ZNF678: variants seen among roughly 807,000 people sequenced by gnomAD.
ZNF678 encodes zinc finger protein 678.
A neutral mutation model predicts 3.0 loss-of-function variants in ZNF678; 5 were observed. The ratio of observed to expected loss-of-function variants is 1.69; its 90% confidence interval spans 0.88 to 3.56. The LOEUF (loss-of-function observed/expected upper bound fraction) is 3.56, where lower values mean the gene tolerates loss of function less well. ZNF678 is among the 30% of genes most tolerant of loss of function. The pLI is 0.00. For missense variants in ZNF678, 593 were observed against 605.0 expected, an observed-to-expected ratio of 0.98 and a Z score of 0.21; for synonymous variants, 218 against 199.6, an observed-to-expected ratio of 1.09 and a Z score of -0.78.
At chr1:227,563,916 A>G (rs1242898259) in intron 1 of ZNF678, among the ~76,000 whole-genome samples, 192 bp downstream of exon 1, 1 of 152,224 alleles carries the variant, frequency 6.6e-6, no homozygotes. Flanking sequence ...CTGGGCGGCT[A>G]TGAAGCCGCA....
At chr1:227,678,852 A>G (rs1254409017), downstream of ZNF678, among the ~76,000 whole-genome samples, 1 of 152,212 alleles carries the variant, frequency 6.6e-6, no homozygotes, top group Non-Finnish European at 1.5e-5. Context: ...CTGATGGTCA[A>G]CTATTAATAA....
At chr1:227,610,844 G>A (rs1657999745) in intron 1 of ZNF678, among the ~76,000 whole-genome samples, 2 of 152,162 alleles carry the variant, frequency 1.3e-5, no homozygotes, top group Admixed American at 1.3e-4. Flanking sequence ...GATAGAAGGG[G>A]GGTTTTCTGA....
downstream of ZNF678, among the ~76,000 whole-genome samples, chr1:227,663,256 T>C (rs1043263561): frequency 3.9e-5 from 6 of 152,246 alleles, no homozygotes; most frequent in Non-Finnish European, 8.8e-5. Flanking sequence ...CAAACTGTTA[T>C]AGTTTGTTAA....
chr1:227,563,825 G>C, intron 1 of ZNF678, 101 bp downstream of exon 1: 3 of 1,140,992 alleles, frequency 2.6e-6, no homozygotes, highest in Non-Finnish European at 3.6e-6. Flanking sequence ...TGTGGGATCT[G>C]TCACCTCTGG....
At chr1:227,594,972 G>C (rs1385581956) in intron 1 of ZNF678, among the ~76,000 whole-genome samples, 1 of 152,060 alleles carries the variant, frequency 6.6e-6, no homozygotes, top group South Asian at 2.1e-4. Flanking sequence ...GAATGCATTT[G>C]GGCCATCTGT....
Position 227,655,808 on chromosome 1 carries a change from A to G in ZNF678, c.1558A>G (p.Lys520Glu), listed in dbSNP as rs779820177. 9.6e-6 allele frequency: 15 copies of G among 1,570,554 alleles called. No homozygotes were observed. In the East Asian group the frequency reaches 1.3e-4, roughly 14 times the overall value. The change falls in exon 4 of 4, where the codon AAA (lysine) becomes GAA (glutamate). Residue 520 changes from lysine (K) to glutamate (E), a missense_variant. Lys to Glu is a moderately conservative substitution (Grantham distance 56). Transcript: ENST00000343776. Reference sequence around the variant, plus strand: ...TACTGGAGAGGAACCTGACAAATGTAAAAAATGTGGCAGTCTTTAAAAACT... The same window carrying G: ...TACTGGAGAGGAACCTGACAAATGTGAAAAATGTGGCAGTCTTTAAAAACT... ...IYTGEEPDKC[K>E]KCGSL is the part of the protein sequence containing the mutation.
intron 2 of ZNF678, among the ~76,000 whole-genome samples, chr1:227,649,505 C>A (rs1659041400): frequency 6.6e-6 from 1 of 152,186 alleles, no homozygotes; most frequent in African/African-American, 2.4e-5. Context: ...CATGCACCAC[C>A]ACACTCAGCT....
chr1:227,666,300 A>C, downstream of ZNF678, among the ~76,000 whole-genome samples: 1 of 152,238 alleles, frequency 6.6e-6, no homozygotes, highest in East Asian at 1.9e-4. Context: ...TAAAAAGTCT[A>C]CCTTCAAATC....
At chr1:227,614,629 T>C (rs1215944122) in intron 1 of ZNF678, among the ~76,000 whole-genome samples, 1 of 152,248 alleles carries the variant, frequency 6.6e-6, no homozygotes, top group Non-Finnish European at 1.5e-5. Context: ...TCTTTTTGTA[T>C]GACAGAGATA....
chr1:227,639,496 G>C (rs1166591023), intron 1 of ZNF678, among the ~76,000 whole-genome samples: 2 of 152,222 alleles, frequency 1.3e-5, no homozygotes, highest in Non-Finnish European at 2.9e-5. Flanking sequence ...GTTTAAAATA[G>C]TGGTTCCTTC....
At chr1:227,626,876 A>G (rs1488809932) in intron 1 of ZNF678, among the ~76,000 whole-genome samples, 1 of 151,914 alleles carries the variant, frequency 6.6e-6, no homozygotes, top group African/African-American at 2.4e-5. Context: ...GCCTTGGGGA[A>G]GTCCAAATCT....
downstream of ZNF678, among the ~76,000 whole-genome samples, chr1:227,665,529 G>A (rs529999773): frequency 8.5e-5 from 13 of 152,298 alleles, no homozygotes; most frequent in East Asian, 1.5e-3. Context: ...GTTGTAGGCC[G>A]GAGGCTTAAG....
intron 1 of ZNF678, among the ~76,000 whole-genome samples, chr1:227,612,036 C>A (rs942163828): frequency 6.6e-6 from 1 of 151,754 alleles, no homozygotes; most frequent in Admixed American, 6.6e-5. Context: ...AACCAGAGAC[C>A]ATTTTGCCTT....
chr1:227,667,440 A>G (rs1367314664), downstream of ZNF678, among the ~76,000 whole-genome samples: 1 of 152,196 alleles, frequency 6.6e-6, no homozygotes, highest in Non-Finnish European at 1.5e-5. Context: ...CTGCTGATAT[A>G]TAAATACCTT....
rs1365617983 is a variant in ZNF678, at chr1:227,654,709, C to G, written c.459C>G (p.Tyr153Ter). The change falls in exon 4 of 4, where the codon TAC becomes TAG. Residue 153 changes from tyrosine (Y) to a stop codon, truncating the protein, a stop_gained. Coordinates refer to ENST00000343776, the MANE Select transcript of ZNF678 (RefSeq NM_001367909.1). LOFTEE classifies it low-confidence loss of function (END_TRUNC). ...GAATTCATACTGGAGAGAAACCCTA[C>G]AAATGTGACGAATGTGGCAAAGTTT... ...HKRIHTGEKP[Y>*]KCDECGKVFN... 6.2e-7 allele frequency: 1 copy of G among 1,613,028 alleles called. No homozygotes were observed. Among genetic ancestry groups the G allele is most frequent in the East Asian group, 2.2e-5 (1 of 44,868 alleles).
Position 227,620,776 on chromosome 1 carries a change from C to T in ZNF678, c.-163-25768C>T, listed in dbSNP as rs190732066. Among the ~76,000 whole-genome samples, 5 of 152,268 alleles carry T rather than the reference C, an allele frequency of 3.3e-5. No individual in the cohort carries two copies. The East Asian group carries it at 9.6e-4, about 29-fold the overall frequency. On this transcript the variant is annotated intron_variant, in intron 1 of 3. Coordinates refer to ENST00000343776, the MANE Select transcript of ZNF678 (RefSeq NM_001367909.1). ...GCTGTAGGGTATGAGTAATAGCGTACAGTGTGTGGCATTATTAGGTTAATC... is the reference window on the plus strand; with the variant it reads ...GCTGTAGGGTATGAGTAATAGCGTATAGTGTGTGGCATTATTAGGTTAATC...
chr1:227,569,745 C>G (rs935328683), intron 1 of ZNF678, among the ~76,000 whole-genome samples: 1 of 151,984 alleles, frequency 6.6e-6, no homozygotes, highest in Non-Finnish European at 1.5e-5. Flanking sequence ...CAAACAGTGA[C>G]TTTTTTTCTT....
chr1:227,582,453 C>T lies in ZNF678; in HGVS notation c.-164+18729C>T, dbSNP rs77044528. ...CCTTCCATCTCAGCTTCCCAGGTAG[C>T]TAGGACCACAGGGGCATGCCACTTG... On this transcript the variant is annotated intron_variant, in intron 1 of 3. Coordinates refer to ENST00000343776, the MANE Select transcript of ZNF678 (RefSeq NM_001367909.1). 6.9e-3 allele frequency: 1,087 copies of T among 156,600 alleles called. 5 individuals carry two copies. Among genetic ancestry groups the T allele is most frequent in the Middle Eastern group, 0.013 (4 of 320 alleles). The allele number at this position is 156,600 out of a possible 1,614,324, so 9.7% of individuals were successfully genotyped here.
chr1:227,603,816 C>G (rs1036580834), intron 1 of ZNF678, among the ~76,000 whole-genome samples: 3 of 152,160 alleles, frequency 2.0e-5, no homozygotes, highest in Non-Finnish European at 2.9e-5. Context: ...CATTAACTCC[C>G]CCAAAACTTA....
Sources: gnomAD v4.1 joint callset for allele counts (sites outside exome capture counted in the v4.1 genomes callset) on GRCh38, gnomAD v4.1.1 for gene constraint, MANE v1.5 for transcripts, NCBI Gene and HGNC (gene_info 2026-07-23, HGNC 2026-07-21) for gene names.